Variants in MYO16 observed in about 807,000 individuals in gnomAD.
MYO16 encodes myosin XVI.
In MYO16, 94 loss-of-function variants were observed where a neutral mutation model predicts 205.3. That is an observed-to-expected ratio of 0.46 (90% CI 0.39 to 0.54). MYO16 has a LOEUF of 0.54. Among genes scored for constraint, MYO16 ranks in the 20% least tolerant of loss-of-function variants. The pLI, the probability that MYO16 is intolerant of heterozygous loss-of-function variation, is 0.00. For missense variants in MYO16, 2,315 were observed against 2,387.5 expected (o/e 0.97, Z 0.63); for synonymous variants, 988 against 954.0 (o/e 1.04, Z -0.66).
At chr13:108,951,115 A>G (rs1203668240) in intron 16 of MYO16, among the ~76,000 whole-genome samples, 2 of 152,072 alleles carry the variant, frequency 1.3e-5, no homozygotes, top group African/African-American at 4.8e-5. Context: ...ATTACGCGTA[A>G]TACTTTTTGA....
At chr13:109,191,091 C>A (rs748058598) in intron 34 of MYO16, among the ~76,000 whole-genome samples, 2 of 151,856 alleles carry the variant, frequency 1.3e-5, no homozygotes, top group African/African-American at 4.8e-5. Context: ...TCGTGGCAGG[C>A]GCTTGTAATC....
At chr13:108,829,415 A>G (rs112941491) in intron 9 of MYO16, among the ~76,000 whole-genome samples, 55 of 152,362 alleles carry the variant, frequency 3.6e-4, no homozygotes, top group Admixed American at 1.8e-3. Context: ...TGAGACAAAA[A>G]TAGTGGTAGG....
At chr13:108,768,772 G>A (rs2138873822) in intron 4 of MYO16, among the ~76,000 whole-genome samples, 2 of 152,216 alleles carry the variant, frequency 1.3e-5, no homozygotes, top group African/African-American at 4.8e-5. Context: ...GGTTTATAAT[G>A]TCTGAACACT....
At chr13:109,016,460 C>A (rs985685854) in intron 22 of MYO16, among the ~76,000 whole-genome samples, 1 of 152,162 alleles carries the variant, frequency 6.6e-6, no homozygotes, top group African/African-American at 2.4e-5. Context: ...GTGGAGAGTT[C>A]TGTAGATGTC....
intron 1 of MYO16, among the ~76,000 whole-genome samples, chr13:108,603,205 G>A (rs938570329): frequency 3.3e-5 from 5 of 152,150 alleles, no homozygotes; most frequent in African/African-American, 1.2e-4. Context: ...TGGAGATGAA[G>A]AGACAGAGGG....
chr13:109,152,083 C>T (rs1877702923), intron 32 of MYO16, among the ~76,000 whole-genome samples: 1 of 152,148 alleles, frequency 6.6e-6, no homozygotes, highest in Non-Finnish European at 1.5e-5. Flanking sequence ...GCAGCAGATC[C>T]TATAAGGCAA....
chr13:108,935,184 G>T (rs1210253349), intron 16 of MYO16, among the ~76,000 whole-genome samples: 2 of 152,120 alleles, frequency 1.3e-5, no homozygotes, highest in African/African-American at 4.8e-5. Flanking sequence ...AATAGGAATA[G>T]AATTGAATCT....
chr13:108,932,482 G>A (rs1334954982), intron 16 of MYO16, among the ~76,000 whole-genome samples: 1 of 152,222 alleles, frequency 6.6e-6, no homozygotes, highest in Non-Finnish European at 1.5e-5. Flanking sequence ...GGCCTCCGGA[G>A]TGTTACCAAC....
the MYO16 span, among the ~76,000 whole-genome samples, chr13:108,544,286 T>C: frequency 6.6e-6 from 1 of 152,306 alleles, no homozygotes; most frequent in East Asian, 1.9e-4. Flanking sequence ...TCACCAGATG[T>C]TGTCCAATCA....
At chr13:108,753,352 A>T (rs1305333007) in intron 4 of MYO16, among the ~76,000 whole-genome samples, 1 of 134,596 alleles carries the variant, frequency 7.4e-6, no homozygotes, top group Non-Finnish European at 1.5e-5. Context: ...CCTGGGCAAT[A>T]AGAGCAAAAC....
intron 20 of MYO16, among the ~76,000 whole-genome samples, chr13:108,977,517 A>G (rs1278758817): frequency 2.6e-5 from 4 of 152,146 alleles, no homozygotes; most frequent in African/African-American, 9.7e-5. Context: ...GCTTTATGCA[A>G]TCATATACCA....
intron 7 of MYO16, among the ~76,000 whole-genome samples, chr13:108,818,443 CAAT>C (rs1875764562): frequency 1.4e-5 from 2 of 146,200 alleles, no homozygotes; most frequent in Admixed American, 6.7e-5. Context: ...AAAACAAACA[CAAT>C]AATAAATAAA....
intron 1 of MYO16, among the ~76,000 whole-genome samples, chr13:108,630,645 A>C (rs767586043): frequency 6.6e-6 from 1 of 152,222 alleles, no homozygotes; most frequent in Non-Finnish European, 1.5e-5. Context: ...ACTTCTGTAC[A>C]TATATATCAT....
intron 27 of MYO16, among the ~76,000 whole-genome samples, chr13:109,091,893 T>G (rs1888635033): frequency 6.6e-6 from 1 of 152,236 alleles, no homozygotes; most frequent in Admixed American, 6.5e-5. Flanking sequence ...AGATAAATAG[T>G]ATAATATCTT....
At chr13:109,096,633 C>T (rs989027358) in intron 27 of MYO16, among the ~76,000 whole-genome samples, 1 of 152,214 alleles carries the variant, frequency 6.6e-6, no homozygotes, top group African/African-American at 2.4e-5. Context: ...AGAAATGCGA[C>T]TTACCATCTC....
intron 9 of MYO16, among the ~76,000 whole-genome samples, chr13:108,826,114 T>C (rs981860325): frequency 6.6e-6 from 1 of 152,104 alleles, no homozygotes; most frequent in African/African-American, 2.4e-5. Flanking sequence ...CCAGAATCCC[T>C]AAAATAATTA....
In MYO16 at chr13:108,983,598, T is replaced by A. The variant is rs542375934; in HGVS notation, c.2370-8778T>A. On this transcript the variant is annotated intron_variant, in intron 20 of 34. Coordinates refer to ENST00000457511, the MANE Select transcript of MYO16 (RefSeq NM_001198950.3). ...TATTTAGGAACATTGGAGCCCAAAA[T>A]GCTATGTGCCTTCGGAGACTGCTGC... is the stretch of plus-strand genomic sequence containing the variant. 5.3e-5 allele frequency among the ~76,000 whole-genome samples: 8 copies of A among 152,272 alleles called. No homozygotes were observed. In the South Asian group the frequency reaches 1.7e-3, roughly 32 times the overall value.
rs999206702 is a variant in MYO16, at chr13:108,709,867, C to T, written c.293-2794C>T. ...TAATGATGGGCAAGCCAGTTAATAT[C>T]GAGTCTGTGGTTCTAATATGGTTCC... On this transcript the variant is annotated intron_variant, in intron 2 of 34. Coordinates refer to ENST00000457511, the MANE Select transcript of MYO16 (RefSeq NM_001198950.3). 3.0e-5 allele frequency among the ~76,000 whole-genome samples: 4 copies of T among 134,182 alleles called. 1 individual carries two copies. The highest frequency in any genetic ancestry group is 1.1e-4 in the African/African-American group (4 of 36,028). The allele number at this position is 134,182 out of a possible 152,430, so 88.0% of individuals were successfully genotyped here.
intron 32 of MYO16, among the ~76,000 whole-genome samples, chr13:109,146,804 GAAAGA>G (rs905004293): frequency 6.9e-6 from 1 of 144,210 alleles, no homozygotes; most frequent in Non-Finnish European, 1.5e-5. Context: ...CAGAAAGAAA[GAAAGA>G]AGAGAGAAAG....
Sources: allele counts gnomAD v4.1 joint callset (sites outside exome capture counted in the v4.1 genomes callset), GRCh38; gene constraint gnomAD v4.1.1; transcripts MANE v1.5; gene names NCBI Gene and HGNC (gene_info 2026-07-23, HGNC 2026-07-21).